Variants in EXOC6B observed in about 807,000 individuals in gnomAD.
EXOC6B encodes the protein exocyst complex component 6B.
EXOC6B carries 54 observed loss-of-function variants against 113.5 expected under a neutral mutation model. That is an observed-to-expected ratio of 0.48 (90% CI 0.38 to 0.60). The LOEUF (loss-of-function observed/expected upper bound fraction) is 0.60. Among genes scored for constraint, EXOC6B ranks in the 20% least tolerant of loss-of-function variants. The pLI is 0.00. For missense variants in EXOC6B, 797 were observed against 977.5 expected, an observed-to-expected ratio of 0.82 and a Z score of 2.46; for synonymous variants, 357 against 339.0, an observed-to-expected ratio of 1.05 and a Z score of -0.58.
intron 20 of EXOC6B, among the ~76,000 whole-genome samples, chr2:72,187,241 C>A (rs562045342): frequency 1.3e-5 from 2 of 152,156 alleles, no homozygotes; most frequent in South Asian, 4.1e-4. Context: ...GGAGTCACAG[C>A]CCTGGCTCAG....
intron 20 of EXOC6B, among the ~76,000 whole-genome samples, chr2:72,207,005 A>C (rs1679880598): frequency 1.3e-5 from 2 of 152,212 alleles, no homozygotes; most frequent in Non-Finnish European, 2.9e-5. Context: ...TTTGGTATCT[A>C]GCCTTTAACA....
chr2:72,353,462 C>T (rs1484010744), intron 19 of EXOC6B, among the ~76,000 whole-genome samples: 1 of 151,912 alleles, frequency 6.6e-6, no homozygotes, highest in Non-Finnish European at 1.5e-5. Context: ...ACCTCTGCCT[C>T]CCAGGTTCAA....
At position 72,178,771 on chromosome 2, in the gene EXOC6B, T is replaced by A. The variant is rs1374818648; in HGVS notation, c.*564A>T. The A allele has an allele frequency of 3.3e-5, 5 of 152,340 alleles. No individual in the cohort carries two copies. The highest frequency in any genetic ancestry group is 9.7e-5 in the African/African-American group (4 of 41,450). The allele number at this position is 152,340 out of a possible 1,614,324, so 9.4% of individuals were successfully genotyped here. A position where few individuals can be genotyped will look rare whatever the true frequency, so the allele number is the denominator to read the frequency against. On this transcript the variant is annotated 3_prime_UTR_variant, in exon 22 of 22. Coordinates refer to ENST00000272427, the MANE Select transcript of EXOC6B (RefSeq NM_015189.3). ...TTGGGGGATTGGAATGAAGCTGTCATCTTGCCATATGCCATGCTTGTTCAC... is the reference window on the plus strand; with the variant it reads ...TTGGGGGATTGGAATGAAGCTGTCAACTTGCCATATGCCATGCTTGTTCAC...
At chr2:72,527,596 G>T (rs1430275425) in intron 8 of EXOC6B, among the ~76,000 whole-genome samples, 1 of 151,874 alleles carries the variant, frequency 6.6e-6, no homozygotes, top group African/African-American at 2.4e-5. Flanking sequence ...GAGTGCAACT[G>T]CAAGGTCATA....
chr2:72,338,143 A>C (rs113026106), intron 19 of EXOC6B, among the ~76,000 whole-genome samples: 1,550 of 152,310 alleles, frequency 0.01, 11 homozygotes, highest in Non-Finnish European at 0.017. Flanking sequence ...ATGGGCTTAC[A>C]CAATTTACTT....
Position 72,376,147 on chromosome 2 carries a change from C to T in EXOC6B, c.2122+3582G>A, listed in dbSNP as rs559993179. Among the ~76,000 whole-genome samples the T allele has an allele frequency of 7.4e-4, 113 of 152,258 alleles. No individual in the cohort carries two copies. In the South Asian group the frequency reaches 0.014, roughly 19 times the overall value. ...GTGTTAAGGAAGATATTGTTGTAGACATCTTTGAACAATGTAATCTATATT... is the reference window on the plus strand; with the variant it reads ...GTGTTAAGGAAGATATTGTTGTAGATATCTTTGAACAATGTAATCTATATT... On this transcript the variant is annotated intron_variant, in intron 19 of 21. Coordinates refer to ENST00000272427, the MANE Select transcript of EXOC6B (RefSeq NM_015189.3).
chr2:72,397,627 A>AATAAAATAAAATAAAATAT (rs1692817673), intron 18 of EXOC6B, among the ~76,000 whole-genome samples: 1 of 129,020 alleles, frequency 7.8e-6, no homozygotes, highest in African/African-American at 4.0e-5. Flanking sequence ...CAAAAAAAAA[A>AATAAAATAAAATAAAATAT]AATAAAATAA....
chr2:72,481,289 T>C (rs1031084630), intron 16 of EXOC6B, among the ~76,000 whole-genome samples: 2 of 152,182 alleles, frequency 1.3e-5, no homozygotes, highest in Non-Finnish European at 2.9e-5. Flanking sequence ...AGTATGAAAA[T>C]GGACTAATAC....
rs558426854 is a variant in EXOC6B at position 72,315,494 on chromosome 2, T to G, written c.2196+19453A>C. Reference sequence around the variant, plus strand: ...TGTTTTAACTTTTTCATGCCTTTATTGTCCTACTGATTATGGCCTGTAGAG... The same window carrying G: ...TGTTTTAACTTTTTCATGCCTTTATGGTCCTACTGATTATGGCCTGTAGAG... On this transcript the variant is annotated intron_variant, in intron 20 of 21. Coordinates refer to ENST00000272427, the MANE Select transcript of EXOC6B (RefSeq NM_015189.3). 2.0e-5 allele frequency among the ~76,000 whole-genome samples: 3 copies of G among 152,278 alleles called. No homozygotes were observed. The East Asian group carries it at 5.8e-4, about 29-fold the overall frequency.
intron 8 of EXOC6B, among the ~76,000 whole-genome samples, chr2:72,542,149 A>G (rs893350442): frequency 1.3e-5 from 2 of 152,086 alleles, no homozygotes; most frequent in Non-Finnish European, 2.9e-5. Flanking sequence ...AGGTCTCTTA[A>G]TTTTTCACAT....
At chr2:72,436,267 G>A (rs1695865619) in intron 18 of EXOC6B, among the ~76,000 whole-genome samples, 2 of 152,268 alleles carry the variant, frequency 1.3e-5, no homozygotes, top group Middle Eastern at 3.4e-3. Flanking sequence ...AGAGAGATCT[G>A]CTGTTAGTCT....
At chr2:72,481,056 G>A (rs189137643) in intron 16 of EXOC6B, among the ~76,000 whole-genome samples, 12 of 152,244 alleles carry the variant, frequency 7.9e-5, no homozygotes, top group Admixed American at 3.3e-4. Flanking sequence ...TGCTATTCTC[G>A]TGATAGTGAG....
At chr2:72,660,054 C>G (rs928843899) in intron 6 of EXOC6B, among the ~76,000 whole-genome samples, 16 of 151,768 alleles carry the variant, frequency 1.1e-4, no homozygotes, top group Non-Finnish European at 1.9e-4. Context: ...GTCTGTTGTA[C>G]TAATCCACCT....
intron 8 of EXOC6B, among the ~76,000 whole-genome samples, chr2:72,518,638 G>C (rs970625331): frequency 5.9e-5 from 9 of 151,980 alleles, no homozygotes; most frequent in African/African-American, 2.2e-4. Flanking sequence ...TGTTCCTGGA[G>C]GAGACAAAGA....
intron 1 of EXOC6B, among the ~76,000 whole-genome samples, chr2:72,760,795 A>T (rs1177887938): frequency 6.6e-6 from 1 of 152,230 alleles, no homozygotes; most frequent in East Asian, 1.9e-4. Context: ...TTCTGAAAAG[A>T]GAGACCACTA....
chr2:72,293,902 G>T (rs144853784), intron 20 of EXOC6B, among the ~76,000 whole-genome samples: 170 of 152,140 alleles, frequency 1.1e-3, no homozygotes, highest in Non-Finnish European at 2.2e-3. Context: ...ATGGAAAAAG[G>T]CTCTAGGATT....
chr2:72,397,660 T>TAAAATAAAATAAAAAAA (rs146573352), intron 18 of EXOC6B, among the ~76,000 whole-genome samples: 8,918 of 139,318 alleles, frequency 0.064, 500 homozygotes, highest in African/African-American at 0.097. Flanking sequence ...TAAAATAAAA[T>TAAAATAAAATAAAAAAA]TATATATATA....
At chr2:72,303,372 C>T (rs1686650503) in intron 20 of EXOC6B, among the ~76,000 whole-genome samples, 1 of 152,046 alleles carries the variant, frequency 6.6e-6, no homozygotes, top group Admixed American at 6.5e-5. Context: ...TCAGGGATGC[C>T]AATAATTTGT....
chr2:72,725,164 A>T (rs545627331), intron 5 of EXOC6B, among the ~76,000 whole-genome samples: 3 of 152,200 alleles, frequency 2.0e-5, no homozygotes, highest in Non-Finnish European at 4.4e-5. Flanking sequence ...AATGATAAAG[A>T]CAAAAGTTTT....
Sources: allele counts gnomAD v4.1 joint callset (sites outside exome capture counted in the v4.1 genomes callset), GRCh38; gene constraint gnomAD v4.1.1; transcripts MANE v1.5; gene names NCBI Gene and HGNC (gene_info 2026-07-23, HGNC 2026-07-21).